The following XKR9 variants were observed in gnomAD, a reference collection of about 807,000 sequenced individuals.
XKR9 encodes the protein XK-related protein 9.
In XKR9, 32 loss-of-function variants were observed where a neutral mutation model predicts 32.0. That is an observed-to-expected ratio of 1.00 (90% CI 0.76 to 1.34). The LOEUF is 1.34. Among genes scored for constraint, XKR9 ranks in the 40% most tolerant of loss-of-function variants. The pLI, the probability that XKR9 is intolerant of heterozygous loss-of-function variation, is 0.00. For missense variants in XKR9, 546 were observed against 429.7 expected (o/e 1.27, Z -2.39); for synonymous variants, 168 against 143.4 (o/e 1.17, Z -1.22).
chr8:70,973,587 G>C, the XKR9 span, among the ~76,000 whole-genome samples: 1 of 151,976 alleles, frequency 6.6e-6, no homozygotes, highest in Admixed American at 6.6e-5. Flanking sequence ...TTTAATGTAG[G>C]CATTTAATTA....
chr8:71,003,712 T>C, the XKR9 span, among the ~76,000 whole-genome samples: 1 of 152,214 alleles, frequency 6.6e-6, no homozygotes, highest in African/African-American at 2.4e-5. Context: ...TCTGTCTAAA[T>C]TGAAGATTGG....
At chr8:71,038,766 A>C in the XKR9 span, among the ~76,000 whole-genome samples, 2 of 151,178 alleles carry the variant, frequency 1.3e-5, no homozygotes, top group Non-Finnish European at 2.9e-5. Flanking sequence ...AAAAAAAAAA[A>C]AAAGTGAATG....
chr8:70,900,879 A>C, the XKR9 span, among the ~76,000 whole-genome samples: 1 of 152,048 alleles, frequency 6.6e-6, no homozygotes, highest in Non-Finnish European at 1.5e-5. Context: ...TCATTGTTCA[A>C]TTCCCACCTA....
the XKR9 span, among the ~76,000 whole-genome samples, chr8:71,029,333 T>C: frequency 6.6e-6 from 1 of 152,224 alleles, no homozygotes; most frequent in Non-Finnish European, 1.5e-5. Context: ...AAATAAATTT[T>C]GAGAAACATT....
chr8:70,945,851 A>G, the XKR9 span, among the ~76,000 whole-genome samples: 2 of 152,178 alleles, frequency 1.3e-5, no homozygotes, highest in African/African-American at 4.8e-5. Flanking sequence ...AAAAAGAGAC[A>G]TGCGGCCAGG....
Position 70,681,113 on chromosome 8 carries a change from G to A in XKR9, c.55G>A (p.Val19Ile), listed in dbSNP as rs758724168. ...GTCAGTTCTTGGCATTATAATCTAC[G>A]TAACTGATTTAATTGTGGACATATG... is the stretch of plus-strand genomic sequence containing the variant. ...MMSVLGIIIY[V>I]TDLIVDIWVS... Residue 19 changes from valine (V) to isoleucine (I), a missense_variant, in exon 3 of 5, where the codon GTA becomes ATA. Physicochemically the swap from Val to Ile is conservative, Grantham distance 29. Coordinates refer to ENST00000408926, the MANE Select transcript of XKR9 (RefSeq NM_001011720.2). 9.3e-6 allele frequency: 15 copies of A among 1,613,114 alleles called. No homozygotes were observed. The highest frequency in any genetic ancestry group is 6.7e-5 in the East Asian group (3 of 44,812).
the XKR9 span, among the ~76,000 whole-genome samples, chr8:70,801,363 T>A: frequency 6.6e-6 from 1 of 152,218 alleles, no homozygotes; most frequent in Admixed American, 6.5e-5. Context: ...TTCTGGTATG[T>A]TGTATCTTTG....
chr8:70,778,167 C>T (rs1338165491), intron 2 of XKR9, among the ~76,000 whole-genome samples: 1 of 152,222 alleles, frequency 6.6e-6, no homozygotes, highest in Non-Finnish European at 1.5e-5. Flanking sequence ...CAGCTTTCTA[C>T]ATATGGCTAC....
chr8:70,924,157 C>G, the XKR9 span, among the ~76,000 whole-genome samples: 2 of 152,168 alleles, frequency 1.3e-5, no homozygotes, highest in East Asian at 1.9e-4. Flanking sequence ...AAAGATGGCT[C>G]CCGTATGCCA....
chr8:70,739,069 G>T (rs537957714), downstream of XKR9, among the ~76,000 whole-genome samples: 1 of 122,606 alleles, frequency 8.2e-6, no homozygotes, highest in Non-Finnish European at 2.0e-5. Context: ...TGACAATGAG[G>T]TGTTAGTCTC....
intron 4 of XKR9, among the ~76,000 whole-genome samples, chr8:70,729,944 C>G (rs1457039364): frequency 6.6e-6 from 1 of 152,098 alleles, no homozygotes; most frequent in Non-Finnish European, 1.5e-5. Context: ...AAGTGACATA[C>G]TTTATAATTT....
chr8:70,893,913 G>A, the XKR9 span, among the ~76,000 whole-genome samples: 395 of 152,168 alleles, frequency 2.6e-3, no homozygotes, highest in Middle Eastern at 6.8e-3. Context: ...TTCTTGGGGT[G>A]CAAGTTCACT....
At chr8:70,816,209 A>T in the XKR9 span, among the ~76,000 whole-genome samples, 1 of 152,156 alleles carries the variant, frequency 6.6e-6, no homozygotes, top group African/African-American at 2.4e-5. Context: ...CACCCAACTA[A>T]TCTTTGACGA....
chr8:70,720,097 G>T (rs1395060545), intron 4 of XKR9, among the ~76,000 whole-genome samples: 1 of 152,062 alleles, frequency 6.6e-6, no homozygotes, highest in Non-Finnish European at 1.5e-5. Flanking sequence ...TGGGCTCTCT[G>T]TTTGTCTATT....
intron 4 of XKR9, among the ~76,000 whole-genome samples, chr8:70,726,454 G>A (rs1012669170): frequency 1.3e-5 from 2 of 152,196 alleles, no homozygotes; most frequent in African/African-American, 4.8e-5. Flanking sequence ...TTACAGTTGA[G>A]CAAACTTTTC....
the XKR9 span, among the ~76,000 whole-genome samples, chr8:70,887,461 G>T: frequency 6.6e-6 from 1 of 152,028 alleles, no homozygotes; most frequent in African/African-American, 2.4e-5. Flanking sequence ...ATTCCGTGAA[G>T]AAACTCAATG....
At chr8:70,711,410 G>A (rs978872946) in intron 4 of XKR9, among the ~76,000 whole-genome samples, 8 of 152,306 alleles carry the variant, frequency 5.3e-5, no homozygotes, top group Middle Eastern at 3.4e-3. Context: ...TAAAGAAAAT[G>A]TGGTACATAT....
chr8:71,050,252 T>C, the XKR9 span, among the ~76,000 whole-genome samples: 14 of 126,230 alleles, frequency 1.1e-4, no homozygotes, highest in East Asian at 4.1e-4. Context: ...TATATATATA[T>C]ATATATATAG....
the XKR9 span, among the ~76,000 whole-genome samples, chr8:70,933,715 G>A: frequency 2.6e-5 from 4 of 151,982 alleles, no homozygotes; most frequent in Admixed American, 6.6e-5. Flanking sequence ...TAGAGTCTTT[G>A]ATGATTGGGG....
Sources: gnomAD v4.1 joint callset for allele counts (sites outside exome capture counted in the v4.1 genomes callset) on GRCh38, gnomAD v4.1.1 for gene constraint, MANE v1.5 for transcripts, NCBI Gene and HGNC (gene_info 2026-07-23, HGNC 2026-07-21) for gene names.